Variants in LHX2 observed in about 807,000 individuals in gnomAD.
LHX2 encodes LIM homeobox 2, also known as LIM/homeobox protein Lhx2.
A neutral mutation model predicts 33.0 loss-of-function variants in LHX2; 6 were observed. The ratio of observed to expected loss-of-function variants is 0.18; its 90% CI spans 0.10 to 0.36. The LOEUF (loss-of-function observed/expected upper bound fraction) is 0.36. Ranked by LOEUF, LHX2 falls within the 10% of genes least tolerant of loss-of-function variation. LHX2 has a pLI of 1.00. For synonymous variants in LHX2, 292 were observed against 253.1 expected, an observed-to-expected ratio of 1.15 and a Z score of -1.46; for missense variants, 442 against 586.2, an observed-to-expected ratio of 0.75 and a Z score of 2.54.
rs764880708 is a variant in LHX2 at position 124,015,350 on chromosome 9, C to T, written c.552C>T (p.Ala184=). ...AGTACCCCGCACACTTCAACCATGC[C>T]GACGTGGCAGCGGCGGCCGCTGCAG... ...QGEYPAHFNH[A]DVAAAAAAAA... Residue 184 remains alanine (A), a synonymous_variant, in exon 3 of 5, where the codon GCC becomes GCT. Transcript: ENST00000373615. The surrounding 1 kb of genome is among the most constrained non-coding windows in gnomAD (Gnocchi z 7.9). The T allele has an allele frequency of 1.2e-5, 20 of 1,611,554 alleles. No homozygotes were observed. Among genetic ancestry groups the T allele is most frequent in the Middle Eastern group, 3.3e-4 (2 of 6,078 alleles).
intron 1 of LHX2, among the ~76,000 whole-genome samples, chr9:124,013,422 G>A (rs1859127988): frequency 6.6e-6 from 1 of 152,270 alleles, no homozygotes; most frequent in Admixed American, 6.5e-5. Context: ...AGCCCGTGTG[G>A]CAGAGGAGCC....
chr9:124,031,134 C>T (rs1403523489), intron 4 of LHX2, among the ~76,000 whole-genome samples: 3 of 152,098 alleles, frequency 2.0e-5, no homozygotes, highest in East Asian at 1.9e-4. Context: ...TGCAGCAGGT[C>T]GGGAGAGAGA....
chr9:124,021,349 T>G, intron 4 of LHX2, 45 bp downstream of exon 4: 1 of 1,584,174 alleles, frequency 6.3e-7, no homozygotes, highest in East Asian at 2.2e-5. Context: ...CACCAGGGAC[T>G]GGGGTGGAAC....
Position 124,032,520 on chromosome 9 carries a change from C to T in LHX2, c.1034C>T (p.Thr345Met), listed in dbSNP as rs1444394983. ...ACAGACGCGGCGCTGCAGACAGGGA[C>T]GCCATCGGGCCCGGCCTCGGAGCTC... ...KSTDAALQTG[T>M]PSGPASELSN... The change falls in exon 5 of 5, where the codon ACG (threonine) becomes ATG (methionine). Residue 345 changes from threonine (T) to methionine (M), a missense_variant. This residue lies in a region of LHX2 where 109 missense variants were observed against 98.7 expected (regional missense o/e 1.10). Coordinates refer to ENST00000373615, the MANE Select transcript of LHX2 (RefSeq NM_004789.4). This position sits in a 1 kb window ranked among gnomAD's most constrained non-coding sequence, Gnocchi z 4.1. The T allele has an allele frequency of 6.2e-7, 1 of 1,613,792 alleles. No individual in the cohort carries two copies. Among genetic ancestry groups the T allele is most frequent in the East Asian group, 2.2e-5 (1 of 44,876 alleles).
rs1415717447 is a variant in LHX2, at chr9:124,012,468, G to A, written c.120G>A (p.Thr40=). The stretch of plus-strand genomic sequence containing the variant: ...CCATCGACCGCGGCGACACCGAGAC[G>A]GTAGGCGCGCGGCTGTGGGGTCGGG... ...SSAIDRGDTE[T]TMPSISSDRA... is the part of the protein sequence containing the mutation. The change falls in exon 1 of 5, where the codon ACG becomes ACA. Residue 40 remains threonine (T), a splice_region_variant and synonymous_variant. Transcript: ENST00000373615. The surrounding 1 kb of genome is among the most constrained non-coding windows in gnomAD (Gnocchi z 4.3). The A allele has an allele frequency of 2.6e-6, 4 of 1,544,268 alleles. No homozygotes were observed. The highest frequency in any genetic ancestry group is 2.5e-5 in the East Asian group (1 of 40,518).
At chr9:124,028,677 C>T (rs914715934) in intron 4 of LHX2, among the ~76,000 whole-genome samples, 10 of 152,176 alleles carry the variant, frequency 6.6e-5, no homozygotes, top group African/African-American at 1.7e-4. Flanking sequence ...CATGGACTTG[C>T]TACCTCCCTC....
At chr9:124,013,886 G>T (rs1859135912) in intron 1 of LHX2, 75 bp from the exon 2 acceptor site, 1 of 1,403,006 alleles carries the variant, frequency 7.1e-7, no homozygotes, top group East Asian at 2.3e-5. Context: ...GGAGTTGTGG[G>T]TGCCGGTTTC....
rs777556738 is a variant in LHX2 at position 124,021,137 on chromosome 9, C to G, written c.766C>G (p.Arg256Gly). The G allele has an allele frequency of 4.3e-6, 7 of 1,614,040 alleles. No individual in the cohort carries two copies. Among genetic ancestry groups the G allele is most frequent in the Middle Eastern group, 1.6e-4 (1 of 6,084 alleles). The stretch of plus-strand genomic sequence containing the variant: ...CGAAAACGACGCAGAGCACCTGGAC[C>G]GTGACCAGCCATACCCGAGCAGCCA... ...CNENDAEHLD[R>G]DQPYPSSQKT... Residue 256 changes from arginine to glycine, a missense_variant, in exon 4 of 5, where the codon CGT (arginine) becomes GGT (glycine). Coordinates refer to ENST00000373615, the MANE Select transcript of LHX2 (RefSeq NM_004789.4).
intron 1 of LHX2, among the ~76,000 whole-genome samples, chr9:124,013,317 T>C (rs1208741986): frequency 6.6e-6 from 1 of 152,188 alleles, no homozygotes; most frequent in Non-Finnish European, 1.5e-5. Flanking sequence ...TCAGTTTGGA[T>C]AGGGAAGTAT....
intron 4 of LHX2, among the ~76,000 whole-genome samples, chr9:124,026,760 T>C (rs907393885): frequency 1.3e-5 from 2 of 152,146 alleles, no homozygotes; most frequent in African/African-American, 4.8e-5. Flanking sequence ...ATTTAACTCT[T>C]GTAAAGAAAT....
Position 124,024,492 on chromosome 9 carries a change from C to T in LHX2, c.933+3188C>T, listed in dbSNP as rs534721164. 2.6e-5 allele frequency among the ~76,000 whole-genome samples: 4 copies of T among 152,324 alleles called. No individual in the cohort carries two copies. In the East Asian group the frequency reaches 7.7e-4, roughly 29 times the overall value. The stretch of plus-strand genomic sequence containing the variant: ...ACAGACTGGTTTTAATCCTGTCTGA[C>T]TTACCAGCAGTGAGATTTGGATGTT... On this transcript the variant is annotated intron_variant, in intron 4 of 4. Transcript: ENST00000373615.
rs998449551 is a variant in LHX2, at chr9:124,032,685, C to T, written c.1199C>T (p.Thr400Met). The change falls in exon 5 of 5, where the codon ACG (threonine) becomes ATG (methionine). Residue 400 changes from threonine to methionine, a missense_variant. Thr to Met is a moderately conservative substitution (Grantham distance 81). Coordinates refer to ENST00000373615, the MANE Select transcript of LHX2 (RefSeq NM_004789.4). This position sits in a 1 kb window ranked among gnomAD's most constrained non-coding sequence, Gnocchi z 4.1. The stretch of plus-strand genomic sequence containing the variant: ...CATGAGCCTCACAGCCCCTCACAAA[C>T]GACTCTTACCAACCTTTTCTAATGA... ...EGHEPHSPSQ[T>M]TLTNLF 6.3e-7 allele frequency: 1 copy of T among 1,598,510 alleles called. No individual in the cohort carries two copies.
chr9:124,028,152 T>A (rs1828655335), intron 4 of LHX2, among the ~76,000 whole-genome samples: 1 of 152,184 alleles, frequency 6.6e-6, no homozygotes, highest in African/African-American at 2.4e-5. Flanking sequence ...CTGGCTTTCT[T>A]GATGAAAGAA....
rs544540505 is a variant in LHX2 at position 124,013,903 on chromosome 9, G to A, written c.121-58G>A. ...AGTTGTGGGTGCCGGTTTCCCGGCG[G>A]CGGAGGGGCCGCTGGCTGACGCAGG... On this transcript the variant is annotated intron_variant, in intron 1 of 4. Coordinates refer to ENST00000373615, the MANE Select transcript of LHX2 (RefSeq NM_004789.4). 26 of 1,544,860 alleles carry A rather than the reference G, an allele frequency of 1.7e-5. No homozygotes were observed. In the African/African-American group the frequency reaches 3.1e-4, roughly 19 times the overall value.
At position 124,032,686 on chromosome 9, in the gene LHX2, G is replaced by A. The variant is rs1349384006; in HGVS notation, c.1200G>A (p.Thr400=). 6.3e-7 allele frequency: 1 copy of A among 1,597,502 alleles called. No homozygotes were observed. The highest frequency in any genetic ancestry group is 2.3e-5 in the East Asian group (1 of 44,246). ...EGHEPHSPSQ[T]TLTNLF ...ATGAGCCTCACAGCCCCTCACAAAC[G>A]ACTCTTACCAACCTTTTCTAATGAC... Residue 400 remains threonine, a synonymous_variant, in exon 5 of 5, where the codon ACG becomes ACA. Transcript: ENST00000373615. This position sits in a 1 kb window ranked among gnomAD's most constrained non-coding sequence, Gnocchi z 4.1.
chr9:124,013,985 C>A lies in LHX2; in HGVS notation c.145C>A (p.Arg49Ser), dbSNP rs533198310. Residue 49 changes from arginine to serine, a missense_variant, in exon 2 of 5, where the codon CGC becomes AGC. Physicochemically the swap from Arg to Ser is moderately radical, Grantham distance 110. Coordinates refer to ENST00000373615, the MANE Select transcript of LHX2 (RefSeq NM_004789.4). ...GACCATGCCGTCCATCAGCAGTGAC[C>A]GCGCCGCGCTGTGCGCCGGCTGCGG... ...ETTMPSISSD[R>S]AALCAGCGGK... The A allele has an allele frequency of 1.2e-6, 2 of 1,613,140 alleles. No homozygotes were observed. The highest frequency in any genetic ancestry group is 1.7e-6 in the Non-Finnish European group (2 of 1,179,954).
Position 124,016,679 on chromosome 9 carries a change from T to C in LHX2, c.727+1154T>C, listed in dbSNP as rs1859196143. On this transcript the variant is annotated intron_variant, in intron 3 of 4. Transcript: ENST00000373615. The surrounding 1 kb of genome is among the most constrained non-coding windows in gnomAD (Gnocchi z 4.4). ...CGGGTGTTCGCTCCAACGAAATCGC[T>C]TGGAGGATCATGGGGCGTGTGTCCC... 1.3e-5 allele frequency among the ~76,000 whole-genome samples: 2 copies of C among 152,080 alleles called. No homozygotes were observed. Among genetic ancestry groups the C allele is most frequent in the African/African-American group, 4.8e-5 (2 of 41,404 alleles).
chr9:124,027,505 CT>C (rs1828643519), intron 4 of LHX2, among the ~76,000 whole-genome samples: 1 of 152,184 alleles, frequency 6.6e-6, no homozygotes, highest in Non-Finnish European at 1.5e-5. Context: ...GTGTAAAGTG[CT>C]TAGGACTTTG....
intron 3 of LHX2, among the ~76,000 whole-genome samples, chr9:124,018,333 C>T (rs1287791699): frequency 2.6e-5 from 4 of 151,296 alleles, no homozygotes; most frequent in Non-Finnish European, 5.9e-5. Context: ...CCCCTCGCTC[C>T]TCCCCGGATC....
Sources: gnomAD v4.1 joint callset for allele counts (sites outside exome capture counted in the v4.1 genomes callset) on GRCh38, gnomAD v4.1.1 for gene constraint, gnomAD v4.1.1 regional missense constraint, Gnocchi (gnomAD v3.1) non-coding constraint, MANE v1.5 for transcripts, NCBI Gene and HGNC (gene_info 2026-07-23, HGNC 2026-07-21) for gene names.